Variants in ACER1 observed in about 807,000 individuals in gnomAD.
The protein encoded by ACER1 is alkaline ceramidase 1.
A neutral mutation model predicts 24.9 loss-of-function variants in ACER1; 28 were observed. The ratio of observed to expected loss-of-function variants is 1.13; its 90% CI spans 0.83 to 1.54. ACER1 has a LOEUF of 1.54. Among genes scored for constraint, ACER1 ranks in the 40% most tolerant of loss-of-function variants. ACER1 has a pLI of 0.00. For missense variants in ACER1, 352 were observed against 349.3 expected (o/e 1.01, Z -0.06); for synonymous variants, 132 against 131.4 (o/e 1.00, Z -0.03).
chr19:6,309,891 T>A lies in ACER1; in HGVS notation c.351-57A>T, dbSNP rs187667155. 430 of 1,604,190 alleles carry A rather than the reference T, an allele frequency of 2.7e-4. No homozygotes were observed. The African/African-American group carries it at 5.2e-3, about 19-fold the overall frequency. On this transcript the variant is annotated intron_variant, in intron 3 of 5. Coordinates refer to ENST00000301452, the MANE Select transcript of ACER1 (RefSeq NM_133492.3). ...AAGGGAGGTCCTGGGATTGTAGGCA[T>A]GGTCACTTGGAGATCCCGTGGCCCA...
chr19:6,359,444 A>G, the ACER1 span, among the ~76,000 whole-genome samples: 1 of 151,214 alleles, frequency 6.6e-6, no homozygotes. Context: ...TCAGCCTCCC[A>G]AGTAGCTGGG....
intron 3 of ACER1, among the ~76,000 whole-genome samples, chr19:6,310,367 A>G (rs111475590): frequency 0.089 from 13,569 of 152,006 alleles, 1,974 homozygotes; most frequent in African/African-American, 0.31. Context: ...GATTACCGGC[A>G]TGAGTCACTG....
chr19:6,351,035 CCT>C, the ACER1 span, among the ~76,000 whole-genome samples: 1 of 152,128 alleles, frequency 6.6e-6, no homozygotes, highest in Non-Finnish European at 1.5e-5. Flanking sequence ...CACAGTCATA[CCT>C]AACTATATAA....
At chr19:6,334,900 T>TC (rs1412587873), upstream of ACER1, among the ~76,000 whole-genome samples, 1 of 150,710 alleles carries the variant, frequency 6.6e-6, no homozygotes, top group Non-Finnish European at 1.5e-5. Flanking sequence ...TACAGGGTTT[T>TC]CTTACTGAAG....
upstream of ACER1, among the ~76,000 whole-genome samples, chr19:6,334,243 A>G (rs931282776): frequency 5.9e-5 from 9 of 151,528 alleles, no homozygotes; most frequent in African/African-American, 1.7e-4. Flanking sequence ...ATGGAGTTTC[A>G]CTGTGTTAGC....
chr19:6,322,569 C>T (rs557578592), intron 1 of ACER1, among the ~76,000 whole-genome samples: 2 of 152,228 alleles, frequency 1.3e-5, no homozygotes, highest in East Asian at 3.9e-4. Context: ...GTTTTCTTCT[C>T]CTGTAGCCAC....
the ACER1 span, among the ~76,000 whole-genome samples, chr19:6,354,328 G>A: frequency 3.3e-5 from 5 of 151,924 alleles, no homozygotes; most frequent in Non-Finnish European, 5.9e-5. Flanking sequence ...TTTAATTGAT[G>A]GGGGTAGGGG....
intron 1 of ACER1, among the ~76,000 whole-genome samples, chr19:6,327,114 C>A (rs2091664863): frequency 6.6e-6 from 1 of 152,176 alleles, no homozygotes; most frequent in Non-Finnish European, 1.5e-5. Context: ...AGCTGCTGGG[C>A]TCTGCATGCT....
chr19:6,328,554 A>G (rs1324118783), intron 1 of ACER1, among the ~76,000 whole-genome samples: 1 of 151,798 alleles, frequency 6.6e-6, no homozygotes, highest in Non-Finnish European at 1.5e-5. Context: ...CCCTGTACAG[A>G]AAAGGTTGGC....
upstream of ACER1, among the ~76,000 whole-genome samples, chr19:6,337,834 G>A (rs1397544723): frequency 6.6e-6 from 1 of 150,412 alleles, no homozygotes; most frequent in Non-Finnish European, 1.5e-5. Flanking sequence ...CACCACCAAC[G>A]CCTGGCTAAT....
At chr19:6,359,107 C>G in the ACER1 span, among the ~76,000 whole-genome samples, 1 of 151,746 alleles carries the variant, frequency 6.6e-6, no homozygotes, top group Non-Finnish European at 1.5e-5. Context: ...TGACATGCAC[C>G]TCTAGTCCTA....
At chr19:6,329,925 C>A (rs1459981807) in intron 1 of ACER1, among the ~76,000 whole-genome samples, 2 of 149,966 alleles carry the variant, frequency 1.3e-5, no homozygotes, top group East Asian at 1.9e-4. Context: ...GGTTGGAGTG[C>A]AGTGGCGTGA....
chr19:6,311,132 G>A (rs1014331802), intron 3 of ACER1, among the ~76,000 whole-genome samples: 12 of 151,704 alleles, frequency 7.9e-5, no homozygotes, highest in Admixed American at 7.2e-4. Context: ...CCCTGGGTCC[G>A]GGTGAATTTA....
At chr19:6,318,301 C>T (rs2091613625) in intron 1 of ACER1, among the ~76,000 whole-genome samples, 1 of 151,914 alleles carries the variant, frequency 6.6e-6, no homozygotes, top group Non-Finnish European at 1.5e-5. Flanking sequence ...GAAACCCCAT[C>T]TCTACTAAAA....
At chr19:6,336,713 G>T (rs945631493), upstream of ACER1, among the ~76,000 whole-genome samples, 1 of 151,234 alleles carries the variant, frequency 6.6e-6, no homozygotes, top group African/African-American at 2.4e-5. Flanking sequence ...CCAGCTACTT[G>T]GGAGGCTGAG....
At position 6,322,608 on chromosome 19, in the gene ACER1, C is replaced by G. The variant is rs574154965; in HGVS notation, c.94-10109G>C. Reference sequence around the variant, plus strand: ...CATGAGTGTCTGGGCTCTGCAACCTCAACCCCAGACTCAGCTCCTTGCAAA... The same window carrying G: ...CATGAGTGTCTGGGCTCTGCAACCTGAACCCCAGACTCAGCTCCTTGCAAA... On this transcript the variant is annotated intron_variant, in intron 1 of 5. Transcript: ENST00000301452. Among the ~76,000 whole-genome samples the G allele has an allele frequency of 1.2e-4, 18 of 152,302 alleles. No individual in the cohort carries two copies. The East Asian group carries it at 3.5e-3, about 29-fold the overall frequency.
intron 1 of ACER1, among the ~76,000 whole-genome samples, chr19:6,313,395 G>A (rs1026560568): frequency 6.6e-6 from 1 of 152,130 alleles, no homozygotes; most frequent in Non-Finnish European, 1.5e-5. Flanking sequence ...TGAAATTACA[G>A]GTATGAACCA....
At chr19:6,334,121 T>C (rs1194798862), upstream of ACER1, among the ~76,000 whole-genome samples, 1 of 151,164 alleles carries the variant, frequency 6.6e-6, no homozygotes, top group African/African-American at 2.4e-5. Context: ...CTCAGCTCAC[T>C]GCAAGCTCTG....
chr19:6,347,109 A>AATATAT, the ACER1 span, among the ~76,000 whole-genome samples: 153 of 113,710 alleles, frequency 1.3e-3, 1 homozygote, highest in Middle Eastern at 0.016. Context: ...AAAAAAAAAA[A>AATATAT]ATATATATAT....
Sources: gnomAD v4.1 joint callset for allele counts (sites outside exome capture counted in the v4.1 genomes callset) on GRCh38, gnomAD v4.1.1 for gene constraint, MANE v1.5 for transcripts, NCBI Gene and HGNC (gene_info 2026-07-23, HGNC 2026-07-21) for gene names.